DPYD: variants seen among roughly 807,000 people sequenced by gnomAD.
DPYD encodes the protein dihydropyrimidine dehydrogenase.
In DPYD, 109 loss-of-function variants were observed where a neutral mutation model predicts 116.2. The ratio of observed to expected loss-of-function variants is 0.94; its 90% CI spans 0.80 to 1.10. The LOEUF (loss-of-function observed/expected upper bound fraction) is 1.10, where lower values mean the gene tolerates loss of function less well. Among genes scored for constraint, DPYD ranks in the 50% least tolerant of loss-of-function variants. The probability of loss-of-function intolerance (pLI) is 0.00; values close to 1 mark genes in which losing one functional copy is unlikely to be tolerated. For synonymous variants in DPYD, 440 were observed against 432.0 expected (o/e 1.02, Z -0.23); for missense variants, 1,302 against 1,254.5 (o/e 1.04, Z -0.57).
At chr1:97,440,047 G>A (rs560221915) in intron 14 of DPYD, among the ~76,000 whole-genome samples, 4 of 151,952 alleles carry the variant, frequency 2.6e-5, no homozygotes, top group South Asian at 2.1e-4. Flanking sequence ...AGGCCGAGGC[G>A]GGGGGATCAC....
chr1:97,435,567 T>A (rs1252697736), intron 14 of DPYD, among the ~76,000 whole-genome samples: 1 of 151,882 alleles, frequency 6.6e-6, no homozygotes, highest in Non-Finnish European at 1.5e-5. Flanking sequence ...TATTTGTGGA[T>A]CACAGATATA....
intron 19 of DPYD, among the ~76,000 whole-genome samples, chr1:97,195,656 A>ATGTGTGTG (rs1658743065): frequency 4.4e-5 from 1 of 22,724 alleles, no homozygotes; most frequent in African/African-American, 1.6e-4. Flanking sequence ...ATATATATAT[A>ATGTGTGTG]TATATATATA....
chr1:97,497,008 A>G (rs1679303347), intron 13 of DPYD, among the ~76,000 whole-genome samples: 1 of 151,982 alleles, frequency 6.6e-6, no homozygotes, highest in South Asian at 2.1e-4. Flanking sequence ...AATTTTCATT[A>G]TCTGTAAATG....
At chr1:97,331,514 G>A (rs1469598448) in intron 16 of DPYD, among the ~76,000 whole-genome samples, 2 of 152,006 alleles carry the variant, frequency 1.3e-5, no homozygotes, top group Non-Finnish European at 2.9e-5. Flanking sequence ...TTGTGTATTG[G>A]TATATTTTAT....
At chr1:97,473,624 T>A (rs891169656) in intron 13 of DPYD, among the ~76,000 whole-genome samples, 1 of 152,098 alleles carries the variant, frequency 6.6e-6, no homozygotes, top group African/African-American at 2.4e-5. Context: ...TATCAAAAAG[T>A]CAAGGGACAA....
At chr1:97,404,964 T>C (rs1315979632) in intron 14 of DPYD, among the ~76,000 whole-genome samples, 2 of 150,342 alleles carry the variant, frequency 1.3e-5, no homozygotes, top group Non-Finnish European at 1.5e-5. Context: ...TTTTTTTTTT[T>C]ACTTTTTGTA....
At chr1:97,763,586 T>G (rs1160955134) in intron 3 of DPYD, among the ~76,000 whole-genome samples, 1 of 152,040 alleles carries the variant, frequency 6.6e-6, no homozygotes, top group Non-Finnish European at 1.5e-5. Context: ...AACATACTCT[T>G]GTTTCCTAGT....
intron 14 of DPYD, among the ~76,000 whole-genome samples, chr1:97,388,699 G>A (rs1191700616): frequency 6.6e-6 from 1 of 152,112 alleles, no homozygotes; most frequent in African/African-American, 2.4e-5. Flanking sequence ...TGAAGAAGTA[G>A]AGGCAATACA....
At chr1:97,381,868 T>C (rs1292291332) in intron 15 of DPYD, among the ~76,000 whole-genome samples, 2 of 152,254 alleles carry the variant, frequency 1.3e-5, no homozygotes, top group African/African-American at 2.4e-5. Flanking sequence ...ATTTATATTA[T>C]GGAAAACCTG....
chr1:97,367,385 T>C (rs78515712), intron 16 of DPYD, among the ~76,000 whole-genome samples: 36 of 152,246 alleles, frequency 2.4e-4, no homozygotes, highest in African/African-American at 8.4e-4. Context: ...GGAGTAATAA[T>C]CTTTAAAAAT....
intron 14 of DPYD, among the ~76,000 whole-genome samples, chr1:97,437,424 C>A (rs776057275): frequency 3.8e-4 from 58 of 151,676 alleles, no homozygotes; most frequent in Non-Finnish European, 6.5e-4. Context: ...GAATATACCA[C>A]AATTTGTTTA....
intron 16 of DPYD, among the ~76,000 whole-genome samples, chr1:97,327,167 A>G (rs114819357): frequency 0.019 from 2,950 of 152,120 alleles, 50 homozygotes; most frequent in South Asian, 0.039. Context: ...ACCACAGTTA[A>G]TGATTTTCCA....
At chr1:97,796,683 G>A (rs1231753681) in intron 3 of DPYD, among the ~76,000 whole-genome samples, 1 of 152,076 alleles carries the variant, frequency 6.6e-6, no homozygotes, top group Non-Finnish European at 1.5e-5. Flanking sequence ...ACAGAGAAGA[G>A]AGAACAAACA....
chr1:97,147,777 C>T (rs1032297220), intron 20 of DPYD, among the ~76,000 whole-genome samples: 3 of 152,180 alleles, frequency 2.0e-5, no homozygotes. Flanking sequence ...TTAAACTCTT[C>T]TGTGCATCAT....
At chr1:97,384,016 G>T (rs1179283073) in intron 14 of DPYD, among the ~76,000 whole-genome samples, 1 of 152,048 alleles carries the variant, frequency 6.6e-6, no homozygotes, top group Non-Finnish European at 1.5e-5. Context: ...AGCTGAGATG[G>T]GAGGATCACT....
chr1:97,110,380 A>G (rs1465239892), intron 20 of DPYD, among the ~76,000 whole-genome samples: 2 of 152,034 alleles, frequency 1.3e-5, no homozygotes, highest in Admixed American at 6.6e-5. Flanking sequence ...CTCTTCCACT[A>G]CTAAGAGAGG....
intron 3 of DPYD, among the ~76,000 whole-genome samples, chr1:97,748,285 G>A (rs901102208): frequency 1.2e-4 from 19 of 152,160 alleles, no homozygotes; most frequent in South Asian, 8.3e-4. Flanking sequence ...TAGATAGAAT[G>A]AAGATAGATT....
At position 97,549,668 on chromosome 1, in the gene DPYD, A is replaced by G. The variant is rs770056548; in HGVS notation, c.1416T>C (p.Ser472=). The G allele has an allele frequency of 1.9e-6, 3 of 1,613,908 alleles. No individual in the cohort carries two copies. The highest frequency in any genetic ancestry group is 2.2e-5 in the South Asian group (2 of 91,076). The change falls in exon 12 of 23, where the codon AGT becomes AGC. Residue 472 remains serine (S), a synonymous_variant. Transcript: ENST00000370192. ...PEVDPETMQT[S]EAWVFAGGDV... ...CACCACCTGCAAATACCCATGCTTC[A>G]CTAGTTTGCATAGTTTCTGGATCTA... is the stretch of plus-strand genomic sequence containing the variant.
At chr1:97,764,106 A>C (rs1394218294) in intron 3 of DPYD, among the ~76,000 whole-genome samples, 1 of 152,058 alleles carries the variant, frequency 6.6e-6, no homozygotes, top group African/African-American at 2.4e-5. Context: ...ATAAAGAGGA[A>C]ACAAGGGTCA....
Sources: allele counts gnomAD v4.1 joint callset (sites outside exome capture counted in the v4.1 genomes callset), GRCh38; gene constraint gnomAD v4.1.1; transcripts MANE v1.5; gene names NCBI Gene and HGNC (gene_info 2026-07-23, HGNC 2026-07-21).